TTC29: variants seen among roughly 807,000 people sequenced by gnomAD.
TTC29 encodes tetratricopeptide repeat domain 29, also known as tetratricopeptide repeat protein 29.
Under a neutral mutation model 58.1 loss-of-function variants are expected in TTC29, and 49 were observed. The ratio of observed to expected loss-of-function variants is 0.84; its 90% CI spans 0.67 to 1.07. The LOEUF (loss-of-function observed/expected upper bound fraction) is 1.07. TTC29 is among the 50% of genes least tolerant of loss of function. The pLI is 0.00. For missense variants in TTC29, 582 were observed against 555.6 expected, an observed-to-expected ratio of 1.05 and a Z score of -0.48; for synonymous variants, 209 against 196.8, an observed-to-expected ratio of 1.06 and a Z score of -0.52.
chr4:146,831,788 C>T (rs990623642), intron 9 of TTC29: 2 of 436,626 alleles, frequency 4.6e-6, no homozygotes, highest in African/African-American at 2.0e-5. Flanking sequence ...AAGACAGACT[C>T]ATGTCTCTGG....
intron 4 of TTC29, among the ~76,000 whole-genome samples, chr4:146,929,195 C>T (rs555197740): frequency 6.6e-6 from 1 of 152,032 alleles, no homozygotes; most frequent in Non-Finnish European, 1.5e-5. Flanking sequence ...TAAAGCAAAA[C>T]ATATAATTAA....
intron 7 of TTC29, among the ~76,000 whole-genome samples, chr4:146,867,915 C>A (rs1202018215): frequency 6.6e-6 from 1 of 151,952 alleles, no homozygotes; most frequent in Non-Finnish European, 1.5e-5. Context: ...ATCATTTTGA[C>A]ATTCATGTAT....
chr4:146,819,783 T>C (rs1461306360), intron 10 of TTC29, among the ~76,000 whole-genome samples: 1 of 152,184 alleles, frequency 6.6e-6, no homozygotes, highest in African/African-American at 2.4e-5. Context: ...AAGCAGATAA[T>C]AGCCAACAGT....
At chr4:146,934,742 C>T (rs749857250) in intron 4 of TTC29, among the ~76,000 whole-genome samples, 7 of 151,902 alleles carry the variant, frequency 4.6e-5, no homozygotes, top group Non-Finnish European at 7.4e-5. Flanking sequence ...TATGGCATCC[C>T]GAAAGTCACA....
At chr4:146,760,214 G>C (rs1010111910) in intron 11 of TTC29, among the ~76,000 whole-genome samples, 4 of 151,404 alleles carry the variant, frequency 2.6e-5, no homozygotes, top group Non-Finnish European at 4.4e-5. Context: ...AAAATACTTA[G>C]CAATATACCT....
intron 9 of TTC29, among the ~76,000 whole-genome samples, chr4:146,831,288 A>G (rs1250518019): frequency 6.6e-6 from 1 of 152,116 alleles, no homozygotes; most frequent in Admixed American, 6.6e-5. Context: ...AAAAATAGAT[A>G]GGTTCTCACT....
intron 11 of TTC29, among the ~76,000 whole-genome samples, chr4:146,759,430 T>C (rs939394393): frequency 6.6e-6 from 1 of 152,106 alleles, no homozygotes; most frequent in East Asian, 1.9e-4. Context: ...CCCTAATTCA[T>C]TCTATGAAGC....
intron 11 of TTC29, among the ~76,000 whole-genome samples, chr4:146,790,114 G>A (rs946914549): frequency 6.6e-6 from 1 of 151,674 alleles, no homozygotes; most frequent in Admixed American, 6.6e-5. Context: ...TTTCAATTAG[G>A]CTTCTCTTCA....
intron 11 of TTC29, among the ~76,000 whole-genome samples, chr4:146,725,918 G>T (rs900987786): frequency 6.6e-6 from 1 of 152,088 alleles, no homozygotes; most frequent in African/African-American, 2.4e-5. Flanking sequence ...TGTTGCCCAG[G>T]TTGGAGTGCA....
chr4:146,835,164 C>A (rs1448006399), intron 8 of TTC29, among the ~76,000 whole-genome samples: 2 of 152,074 alleles, frequency 1.3e-5, no homozygotes, highest in African/African-American at 4.8e-5. Flanking sequence ...CTTTGATTTT[C>A]ATTTTTAAGT....
At chr4:146,742,993 A>G (rs1267738537) in intron 11 of TTC29, among the ~76,000 whole-genome samples, 1 of 152,134 alleles carries the variant, frequency 6.6e-6, no homozygotes, top group African/African-American at 2.4e-5. Context: ...TTTTAAAGCA[A>G]AAGCATCAGC....
chr4:146,823,175 G>C (rs1187059951), intron 9 of TTC29, among the ~76,000 whole-genome samples: 1 of 152,158 alleles, frequency 6.6e-6, no homozygotes, highest in Admixed American at 6.5e-5. Context: ...TGACGTCATT[G>C]CCTGTGCCTA....
intron 4 of TTC29, among the ~76,000 whole-genome samples, chr4:146,933,389 T>A (rs1735499339): frequency 6.6e-6 from 1 of 152,242 alleles, no homozygotes; most frequent in Admixed American, 6.5e-5. Context: ...TCTAGAAATG[T>A]TTATTTGAAT....
chr4:146,769,569 C>T (rs1296145686), intron 11 of TTC29, among the ~76,000 whole-genome samples: 2 of 151,900 alleles, frequency 1.3e-5, no homozygotes, highest in African/African-American at 4.8e-5. Context: ...ACTTTACACA[C>T]CATTAAAAAC....
chr4:146,906,732 C>G (rs942513007), intron 5 of TTC29, among the ~76,000 whole-genome samples: 1 of 152,248 alleles, frequency 6.6e-6, no homozygotes, highest in South Asian at 2.1e-4. Flanking sequence ...TCCAGTAATA[C>G]TTTTGTAATA....
At chr4:146,760,844 CTATATATATATGATGGAATACTATATA>C (rs1419376659) in intron 11 of TTC29, among the ~76,000 whole-genome samples, 11 of 136,770 alleles carry the variant, frequency 8.0e-5, no homozygotes, top group Admixed American at 5.5e-4. Context: ...TGATGGAATA[CTATATATATATGATGGAATACTATATA>C]TATATATATA....
chr4:146,751,858 C>T (rs1194077894), intron 11 of TTC29, among the ~76,000 whole-genome samples: 1 of 151,842 alleles, frequency 6.6e-6, no homozygotes, highest in Non-Finnish European at 1.5e-5. Context: ...AAATCAAATA[C>T]AAAATAGAAA....
At chr4:146,827,066 A>G (rs1441763636) in intron 9 of TTC29, among the ~76,000 whole-genome samples, 1 of 151,936 alleles carries the variant, frequency 6.6e-6, no homozygotes, top group Non-Finnish European at 1.5e-5. Context: ...AGCTCATCGT[A>G]GTTTTTTATT....
intron 6 of TTC29, among the ~76,000 whole-genome samples, chr4:146,881,246 C>A (rs112078454): frequency 6.6e-6 from 1 of 152,040 alleles, no homozygotes; most frequent in Admixed American, 6.6e-5. Flanking sequence ...CCTTTTCTAT[C>A]GACTTGTACA....
Sources: gnomAD v4.1 joint callset for allele counts (sites outside exome capture counted in the v4.1 genomes callset) on GRCh38, gnomAD v4.1.1 for gene constraint, MANE v1.5 for transcripts, NCBI Gene and HGNC (gene_info 2026-07-23, HGNC 2026-07-21) for gene names.